Variants in CFAP57 observed in about 807,000 individuals in gnomAD.
CFAP57 encodes the protein cilia and flagella associated protein 57.
CFAP57 carries 116 observed loss-of-function variants against 146.8 expected under a neutral mutation model. The observed-to-expected ratio is 0.79, with a 90% CI of 0.68 to 0.92. The LOEUF is 0.92. CFAP57 is among the 40% of genes least tolerant of loss of function. The probability of loss-of-function intolerance (pLI) is 0.00; values close to 1 mark genes in which losing one functional copy is unlikely to be tolerated. For synonymous variants in CFAP57, 518 were observed against 552.8 expected (o/e 0.94, Z 0.88); for missense variants, 1,377 against 1,527.2 (o/e 0.90, Z 1.64).
At chr1:43,252,023 T>G (rs981493024) in intron 22 of CFAP57, among the ~76,000 whole-genome samples, 1 of 152,242 alleles carries the variant, frequency 6.6e-6, no homozygotes, top group African/African-American at 2.4e-5. Flanking sequence ...TATAGAGTTA[T>G]TTGACTATGA....
intron 16 of CFAP57, among the ~76,000 whole-genome samples, chr1:43,223,483 G>A (rs1194798465): frequency 2.7e-4 from 41 of 152,134 alleles, no homozygotes; most frequent in Non-Finnish European, 4.4e-5. Context: ...TACAAAGTGG[G>A]GAAGATGTTT....
rs551155572 is a variant in CFAP57 at position 43,233,209 on chromosome 1, G to A, written c.3126+585G>A. Among the ~76,000 whole-genome samples the A allele has an allele frequency of 1.1e-3, 170 of 152,318 alleles. 1 individual carries two copies. Among genetic ancestry groups the A allele is most frequent in the African/African-American group, 3.9e-3 (164 of 41,572 alleles). On this transcript the variant is annotated intron_variant, in intron 19 of 22. Transcript: ENST00000372492. ...TTGTTGAATAAGATTGGAACTTTCCGTCCAGGCACAGTGGCTCATGCCTGT... is the reference window on the plus strand; with the variant it reads ...TTGTTGAATAAGATTGGAACTTTCCATCCAGGCACAGTGGCTCATGCCTGT...
intron 9 of CFAP57, among the ~76,000 whole-genome samples, chr1:43,205,725 G>C (rs1186037942): frequency 6.6e-6 from 1 of 152,014 alleles, no homozygotes; most frequent in East Asian, 1.9e-4. Flanking sequence ...CATGGGGCTG[G>C]GGTAAGAATA....
chr1:43,219,670 G>A (rs570971768), intron 13 of CFAP57, 133 bp downstream of exon 13: 128 of 1,149,230 alleles, frequency 1.1e-4, no homozygotes, highest in African/African-American at 8.0e-4. Flanking sequence ...AAGCATAGTC[G>A]TTGATATCAG....
chr1:43,233,537 A>G (rs1645560277), intron 19 of CFAP57, among the ~76,000 whole-genome samples: 1 of 152,186 alleles, frequency 6.6e-6, no homozygotes, highest in South Asian at 2.1e-4. Context: ...GTAAGCATTA[A>G]CTAACTCTGC....
rs1163308231 is a variant in CFAP57 at position 43,234,525 on chromosome 1, C to T, written c.3292C>T (p.Gln1098Ter). 2 of 1,549,988 alleles carry T rather than the reference C, an allele frequency of 1.3e-6. No individual in the cohort carries two copies. Among genetic ancestry groups the T allele is most frequent in the Middle Eastern group, 1.7e-4 (1 of 5,992 alleles). The stretch of plus-strand genomic sequence containing the variant: ...GATCGCAGGGCTGAACACAGACCTG[C>T]AGCAGGAGTACACCCGGCAGCGGGA... ...VEIAGLNTDL[Q>*]QEYTRQREHL... is the part of the protein sequence containing the mutation. Residue 1098 changes from glutamine (Q) to a stop codon, truncating the protein, a stop_gained, in exon 21 of 23, where the codon CAG becomes TAG. Transcript: ENST00000372492. LOFTEE classifies it high-confidence loss of function.
At chr1:43,213,506 G>T (rs1206103313) in intron 11 of CFAP57, among the ~76,000 whole-genome samples, 1 of 97,536 alleles carries the variant, frequency 1.0e-5, no homozygotes, top group Non-Finnish European at 2.5e-5. Flanking sequence ...ATAAATATGG[G>T]GGGGGCGGTG....
In CFAP57 at chr1:43,254,050, T is replaced by C. The variant is rs1646383464; in HGVS notation, c.3612T>C (p.Ile1204=). ...AGCAAGAAGAAACTGGGAGGATCAT[T>C]GAAATGCAGCGCCTAGAAATCCAGC... ...LNEQEETGRI[I]EMQRLEIQRL... Residue 1204 remains isoleucine (I), a synonymous_variant, in exon 23 of 23, where the codon ATT becomes ATC. Coordinates refer to ENST00000372492, the MANE Select transcript of CFAP57 (RefSeq NM_001378189.1). 6.4e-7 allele frequency: 1 copy of C among 1,550,534 alleles called. No homozygotes were observed. Among genetic ancestry groups the C allele is most frequent in the Non-Finnish European group, 8.7e-7 (1 of 1,147,008 alleles).
intron 2 of CFAP57, among the ~76,000 whole-genome samples, chr1:43,180,198 C>T (rs1469675491): frequency 2.1e-5 from 3 of 143,192 alleles, no homozygotes; most frequent in Admixed American, 1.4e-4. Context: ...AAGAGTGAAA[C>T]TCTATCTCAA....
rs543173080 is a variant in CFAP57, at chr1:43,226,984, A to G, written c.2867A>G (p.Glu956Gly). The change falls in exon 18 of 23, where the codon GAG becomes GGG. Residue 956 changes from glutamate to glycine, a missense_variant and splice_region_variant. Transcript: ENST00000372492. ...ACTTCTCTCTCATCTCACCCCCAGG[A>G]GAAGCGAATTTATGATCTGAAAAAG... ...QERDETIQDKEKRIYDLKKKN... is the reference protein window; with the variant it reads ...QERDETIQDKGKRIYDLKKKN... The G allele has an allele frequency of 7.9e-4, 1,192 of 1,510,452 alleles. 1 individual carries two copies. The highest frequency in any genetic ancestry group is 8.4e-4 in the Non-Finnish European group (948 of 1,129,354). 93.6% of individuals were successfully genotyped at this position (1,510,452 alleles called of 1,614,324 possible). A position where few individuals can be genotyped will look rare whatever the true frequency, so the allele number is the denominator to read the frequency against.
chr1:43,172,921 T>C lies in CFAP57; in HGVS notation c.157+11T>C. On this transcript the variant is annotated intron_variant, in intron 2 of 22. Transcript: ENST00000372492. ...AAAAATTCATTCCAGGTAAAACTTT[T>C]TCCATCCTGACATATACAGGAATGG... The C allele has an allele frequency of 6.2e-7, 1 of 1,612,584 alleles. No homozygotes were observed. The highest frequency in any genetic ancestry group is 8.5e-7 in the Non-Finnish European group (1 of 1,178,724).
chr1:43,191,762 T>C lies in CFAP57; in HGVS notation c.1122+4903T>C, dbSNP rs564497324. On this transcript the variant is annotated intron_variant, in intron 6 of 22. Transcript: ENST00000372492. ...CATTAATGTTCACTCTAATCTTTAC[T>C]GTTTCCTTCCTTTGGCTTGCTTTAG... Among the ~76,000 whole-genome samples the C allele has an allele frequency of 5.3e-5, 8 of 151,456 alleles. No individual in the cohort carries two copies. The East Asian group carries it at 1.4e-3, about 26-fold the overall frequency.
intron 2 of CFAP57, among the ~76,000 whole-genome samples, chr1:43,179,084 A>G (rs973171887): frequency 6.6e-6 from 1 of 152,002 alleles, no homozygotes; most frequent in African/African-American, 2.4e-5. Context: ...GAATTGAACA[A>G]TGAGAACACT....
intron 6 of CFAP57, among the ~76,000 whole-genome samples, chr1:43,189,342 A>G (rs989658054): frequency 6.6e-6 from 1 of 152,188 alleles, no homozygotes; most frequent in African/African-American, 2.4e-5. Context: ...GAGTGTTGCC[A>G]TCTTAACAAT....
rs777822164 is a variant in CFAP57, at chr1:43,183,778, T to C, written c.662T>C (p.Phe221Ser). 2 of 1,614,200 alleles carry C rather than the reference T, an allele frequency of 1.2e-6. No homozygotes were observed. The highest frequency in any genetic ancestry group is 1.7e-5 in the Admixed American group (1 of 60,026). Reference sequence around the variant, plus strand: ...GTTGGCACTGACACAGGCAAACTCTTCCTCTTTGAATCTGGAGATCAGCGT... The same window carrying C: ...GTTGGCACTGACACAGGCAAACTCTCCCTCTTTGAATCTGGAGATCAGCGT... ...IVVGTDTGKLFLFESGDQRWE... is the reference protein window; with the variant it reads ...IVVGTDTGKLSLFESGDQRWE... The change falls in exon 4 of 23, where the codon TTC becomes TCC. Residue 221 changes from phenylalanine (F) to serine (S), a missense_variant. Coordinates refer to ENST00000372492, the MANE Select transcript of CFAP57 (RefSeq NM_001378189.1).
chr1:43,227,825 C>A (rs1009903203), intron 18 of CFAP57, among the ~76,000 whole-genome samples: 6 of 152,152 alleles, frequency 3.9e-5, no homozygotes, highest in Non-Finnish European at 7.3e-5. Flanking sequence ...TTTCTCTCCC[C>A]CTTCCTCCAG....
At chr1:43,189,065 G>C (rs1161200694) in intron 6 of CFAP57, among the ~76,000 whole-genome samples, 1 of 152,196 alleles carries the variant, frequency 6.6e-6, no homozygotes, top group Non-Finnish European at 1.5e-5. Flanking sequence ...GTTGACACAT[G>C]GGTTTGTTTC....
At chr1:43,203,257 A>G (rs1036576221) in intron 9 of CFAP57, among the ~76,000 whole-genome samples, 1 of 152,126 alleles carries the variant, frequency 6.6e-6, no homozygotes, top group Admixed American at 6.5e-5. Context: ...AGATCTTATC[A>G]CTGGGGAATT....
intron 22 of CFAP57, among the ~76,000 whole-genome samples, chr1:43,247,552 A>T (rs1034876793): frequency 4.6e-5 from 7 of 152,230 alleles, no homozygotes; most frequent in Non-Finnish European, 7.3e-5. Context: ...TAACTGTATT[A>T]AAAAAGAACT....
Sources: allele counts gnomAD v4.1 joint callset (sites outside exome capture counted in the v4.1 genomes callset), GRCh38; gene constraint gnomAD v4.1.1; transcripts MANE v1.5; gene names NCBI Gene and HGNC (gene_info 2026-07-23, HGNC 2026-07-21).